The following FRMD4B variants were observed in gnomAD, a reference collection of about 807,000 sequenced individuals.
The protein encoded by FRMD4B is FERM domain-containing protein 4B.
Under a neutral mutation model 141.5 loss-of-function variants are expected in FRMD4B, and 74 were observed. That is an observed-to-expected ratio of 0.52 (90% CI 0.43 to 0.63). The LOEUF is 0.63. Among genes scored for constraint, FRMD4B ranks in the 30% least tolerant of loss-of-function variants. The pLI is 0.00. For missense variants in FRMD4B, 1,366 were observed against 1,253.4 expected (o/e 1.09, Z -1.36); for synonymous variants, 506 against 467.9 (o/e 1.08, Z -1.05).
chr3:69,172,073 G>T, intron 22 of FRMD4B, 92 bp from the exon 23 acceptor site: 1 of 1,223,042 alleles, frequency 8.2e-7, no homozygotes, highest in Non-Finnish European at 1.2e-6. Flanking sequence ...TTAGTAGGAA[G>T]CACTGTTAAG....
At chr3:69,237,625 G>T (rs2106676366) in intron 7 of FRMD4B, among the ~76,000 whole-genome samples, 1 of 152,022 alleles carries the variant, frequency 6.6e-6, no homozygotes, top group Middle Eastern at 3.4e-3. Flanking sequence ...CCTTCATGGG[G>T]GTTCAGGTGC....
intron 1 of FRMD4B, among the ~76,000 whole-genome samples, chr3:69,346,034 A>T (rs1032440419): frequency 6.6e-6 from 1 of 152,144 alleles, no homozygotes; most frequent in Non-Finnish European, 1.5e-5. Flanking sequence ...AAACTTCTCC[A>T]AGCTAAAGGA....
In FRMD4B at chr3:69,224,649, A is replaced by G. The variant is rs1476808614; in HGVS notation, c.623T>C (p.Phe208Ser). 6.3e-7 allele frequency: 1 copy of G among 1,586,604 alleles called. No homozygotes were observed. Among genetic ancestry groups the G allele is most frequent in the South Asian group, 1.1e-5 (1 of 87,732 alleles). Residue 208 changes from phenylalanine (F) to serine (S), a missense_variant, in exon 8 of 23, where the codon TTT becomes TCT. Transcript: ENST00000398540. Reference sequence around the variant, plus strand: ...ATGCTCCTGAAGAGTTTTGGTTGGAAAGGCTGGTAATGTCTTTAAATCTTT... The same window carrying G: ...ATGCTCCTGAAGAGTTTTGGTTGGAGAGGCTGGTAATGTCTTTAAATCTTT... ...ARKDLKTLPA[F>S]PTKTLQEHPS... is the part of the protein sequence containing the mutation.
chr3:69,251,865 C>T (rs2093465439), intron 5 of FRMD4B, among the ~76,000 whole-genome samples: 1 of 152,136 alleles, frequency 6.6e-6, no homozygotes, highest in South Asian at 2.1e-4. Flanking sequence ...TTTAGAAAGG[C>T]TACATTCCTT....
chr3:69,529,065 T>C (rs1310537475), intron 1 of FRMD4B, among the ~76,000 whole-genome samples: 2 of 152,078 alleles, frequency 1.3e-5, no homozygotes, highest in Non-Finnish European at 2.9e-5. Context: ...GAAGTGAAGC[T>C]GGTATGCACG....
At chr3:69,173,712 T>G (rs4473559) in intron 22 of FRMD4B, among the ~76,000 whole-genome samples, 135,039 of 152,204 alleles carry the variant, frequency 0.89, 61,505 homozygotes, top group Non-Finnish European at 0.99. Flanking sequence ...AAGGCAAAGT[T>G]GCAAATCTTT....
intron 1 of FRMD4B, among the ~76,000 whole-genome samples, chr3:69,380,810 T>G (rs1441224452): frequency 6.6e-6 from 1 of 152,174 alleles, no homozygotes; most frequent in African/African-American, 2.4e-5. Flanking sequence ...AATTCTATCT[T>G]TGGGACACTG....
intron 2 of FRMD4B, among the ~76,000 whole-genome samples, chr3:69,398,649 T>C (rs1307808846): frequency 6.6e-6 from 1 of 152,218 alleles, no homozygotes; most frequent in Non-Finnish European, 1.5e-5. Flanking sequence ...CATGTAAGAT[T>C]GTTCAAGATG....
rs150502384 is a variant in FRMD4B, at chr3:69,171,430, C to T, written c.*431G>A. 3.6e-3 allele frequency: 568 copies of T among 158,562 alleles called. 4 individuals carry two copies. Among genetic ancestry groups the T allele is most frequent in the African/African-American group, 0.013 (530 of 41,616 alleles). The allele number at this position is 158,562 out of a possible 1,614,324, so 9.8% of individuals were successfully genotyped here. A position where few individuals can be genotyped will look rare whatever the true frequency, so the allele number is the denominator to read the frequency against. On this transcript the variant is annotated 3_prime_UTR_variant, in exon 23 of 23. Coordinates refer to ENST00000398540, the MANE Select transcript of FRMD4B (RefSeq NM_015123.3). ...CAAACTCTGAAGTGAGCAATGACTC[C>T]GGAGCTTCTGGTTCCCCTTCTCTCA...
intron 7 of FRMD4B, among the ~76,000 whole-genome samples, chr3:69,229,207 A>G (rs1311362956): frequency 6.6e-6 from 1 of 151,786 alleles, no homozygotes; most frequent in Non-Finnish European, 1.5e-5. Context: ...TTAATTTTTC[A>G]TAGATATGGG....
At chr3:69,456,171 C>A (rs1705608412) in intron 1 of FRMD4B, among the ~76,000 whole-genome samples, 1 of 151,522 alleles carries the variant, frequency 6.6e-6, no homozygotes, top group Non-Finnish European at 1.5e-5. Flanking sequence ...CCTACCTCTT[C>A]CTTTCTGCTT....
At chr3:69,279,789 TCC>T (rs2093636472) in intron 5 of FRMD4B, among the ~76,000 whole-genome samples, 1 of 126,030 alleles carries the variant, frequency 7.9e-6, no homozygotes, top group Admixed American at 8.5e-5. Context: ...CCTCTCCTCC[TCC>T]TCCTCCTCCT....
rs773864501 is a variant in FRMD4B, at chr3:69,181,238, A to G, written c.2512T>C (p.Ser838Pro). ...DTEGQYSVNP[S>P]YRSSAHYGYE... ...CCATAGTGGGCTGAGGACCGGTAGG[A>G]AGGGTTGACACTATACTGTCCCTCG... Residue 838 changes from serine (S) to proline (P), a missense_variant, in exon 21 of 23, where the codon TCC (serine) becomes CCC (proline). By Grantham distance (74) the Ser-to-Pro change is moderately conservative. Transcript: ENST00000398540. The G allele has an allele frequency of 1.9e-5, 31 of 1,613,666 alleles. No homozygotes were observed. The highest frequency in any genetic ancestry group is 2.5e-5 in the Non-Finnish European group (30 of 1,179,756).
rs374173031 is a variant in FRMD4B at position 69,502,235 on chromosome 3, C to G, written c.-129+39971G>C. On this transcript the variant is annotated intron_variant, in intron 1 of 5. Coordinates refer to the FRMD4B transcript ENST00000459638. The stretch of plus-strand genomic sequence containing the variant: ...GCCTGCATTGCCAAGTCAATCCTAA[C>G]CCAAAAGAACAAAGCTGGAGGCATC... Among the ~76,000 whole-genome samples the G allele has an allele frequency of 7.5e-4, 114 of 152,174 alleles. No individual in the cohort carries two copies. The East Asian group carries it at 0.017, about 23-fold the overall frequency.
At chr3:69,522,328 G>A (rs1478775347) in intron 1 of FRMD4B, among the ~76,000 whole-genome samples, 1 of 151,960 alleles carries the variant, frequency 6.6e-6, no homozygotes, top group East Asian at 1.9e-4. Context: ...TTAGAATCAG[G>A]CCCTAGATCT....
chr3:69,465,804 G>T (rs1476118876), intron 1 of FRMD4B, among the ~76,000 whole-genome samples: 1 of 152,100 alleles, frequency 6.6e-6, no homozygotes, highest in Non-Finnish European at 1.5e-5. Flanking sequence ...ATGGACATTT[G>T]GGTTGGTTCC....
chr3:69,275,871 C>A lies in FRMD4B; in HGVS notation c.501+11881G>T, dbSNP rs142329346. 5.3e-4 allele frequency among the ~76,000 whole-genome samples: 80 copies of A among 152,240 alleles called. 1 individual carries two copies. Among genetic ancestry groups the A allele is most frequent in the African/African-American group, 1.9e-3 (77 of 41,560 alleles). On this transcript the variant is annotated intron_variant, in intron 5 of 22. Transcript: ENST00000398540. ...TATAACTTAGAAAGCAAAAGCTTTT[C>A]CAATCTCACTCTCAGAAATAATAAA... is the stretch of plus-strand genomic sequence containing the variant.
At chr3:69,183,862 A>G (rs2092736900) in intron 19 of FRMD4B, among the ~76,000 whole-genome samples, 1 of 152,036 alleles carries the variant, frequency 6.6e-6, no homozygotes. Flanking sequence ...CATTAGGAAA[A>G]CTTTAAAAAT....
At chr3:69,336,333 G>A (rs999524407) in intron 1 of FRMD4B, among the ~76,000 whole-genome samples, 1 of 152,176 alleles carries the variant, frequency 6.6e-6, no homozygotes, top group Non-Finnish European at 1.5e-5. Flanking sequence ...CAACCTTCCA[G>A]GTCACTCTCA....
Sources: allele counts gnomAD v4.1 joint callset (sites outside exome capture counted in the v4.1 genomes callset), GRCh38; gene constraint gnomAD v4.1.1; transcripts MANE v1.5; gene names NCBI Gene and HGNC (gene_info 2026-07-23, HGNC 2026-07-21).